Variants in RPH3AL observed in about 807,000 individuals in gnomAD.
The protein encoded by RPH3AL is rabphilin 3A like (without C2 domains), also known as rab effector Noc2.
RPH3AL carries 38 observed loss-of-function variants against 43.1 expected under a neutral mutation model. The observed-to-expected ratio is 0.88, with a 90% confidence interval of 0.68 to 1.15. The LOEUF is 1.15. RPH3AL is among the 50% of genes most tolerant of loss of function. RPH3AL has a pLI of 0.00. For synonymous variants in RPH3AL, 189 were observed against 176.3 expected, an observed-to-expected ratio of 1.07 and a Z score of -0.57; for missense variants, 462 against 423.2, an observed-to-expected ratio of 1.09 and a Z score of -0.81.
intron 6 of RPH3AL, among the ~76,000 whole-genome samples, chr17:260,688 C>A (rs530760410): frequency 6.6e-6 from 1 of 152,222 alleles, no homozygotes; most frequent in Admixed American, 6.5e-5. Flanking sequence ...GTACCTCTCC[C>A]TCCTCCATTA....
At chr17:249,393 CGGGAGGACT>C (rs782140332) in intron 6 of RPH3AL, among the ~76,000 whole-genome samples, 3 of 152,026 alleles carry the variant, frequency 2.0e-5, no homozygotes, top group Non-Finnish European at 4.4e-5. Flanking sequence ...CTTATCTCAC[CGGGAGGACT>C]TGAGGATCAG....
chr17:302,374 G>T (rs1371756622), intron 5 of RPH3AL, among the ~76,000 whole-genome samples: 2 of 152,158 alleles, frequency 1.3e-5, no homozygotes, highest in Non-Finnish European at 2.9e-5. Context: ...GAGTCACCCC[G>T]CCCCACCCAC....
intron 7 of RPH3AL, among the ~76,000 whole-genome samples, chr17:222,551 G>A (rs2151504037): frequency 6.6e-6 from 1 of 152,336 alleles, no homozygotes; most frequent in South Asian, 2.1e-4. Context: ...ACCGTATTTG[G>A]CTGGGTAATC....
Position 219,638 on chromosome 17 carries a change from G to T in RPH3AL, c.712C>A (p.Pro238Thr). The T allele has an allele frequency of 1.3e-6, 2 of 1,596,628 alleles. No individual in the cohort carries two copies. Among genetic ancestry groups the T allele is most frequent in the African/African-American group, 1.4e-5 (1 of 72,032 alleles). ...CCCACCTTACCTGACTCCTTCCAGG[G>T]TTTGTCGCCTTTCCGGTCCCTGACC... Reference protein sequence around the residue: ...TGVRDRKGDKPWKESGGSVEA... With the variant: ...TGVRDRKGDKTWKESGGSVEA... The change falls in exon 8 of 10, where the codon CCC (proline) becomes ACC (threonine). Residue 238 changes from proline to threonine, a missense_variant. Pro to Thr is a conservative substitution (Grantham distance 38, BLOSUM62 -1). Transcript: ENST00000331302.
intron 1 of RPH3AL, among the ~76,000 whole-genome samples, chr17:336,877 T>C (rs2044971422): frequency 6.6e-6 from 1 of 152,034 alleles, no homozygotes; most frequent in Non-Finnish European, 1.5e-5. Context: ...GCTGTCTACC[T>C]CCTCCACCTG....
intron 6 of RPH3AL, among the ~76,000 whole-genome samples, chr17:272,663 G>C (rs8070917): frequency 0.75 from 103,613 of 138,682 alleles, 39,168 homozygotes; most frequent in African/African-American, 0.84. Flanking sequence ...CTAAAATGAC[G>C]AGTTAATGGG....
At chr17:305,129 G>C in intron 5 of RPH3AL, among the ~76,000 whole-genome samples, 1 of 143,736 alleles carries the variant, frequency 7.0e-6, no homozygotes, top group African/African-American at 2.6e-5. Context: ...GCGAGAGGGG[G>C]ACAGGGTCAT....
At chr17:253,578 T>G (rs2041972030) in intron 6 of RPH3AL, among the ~76,000 whole-genome samples, 1 of 152,132 alleles carries the variant, frequency 6.6e-6, no homozygotes, top group East Asian at 1.9e-4. Flanking sequence ...GCAACCCATC[T>G]CCAGAACTTG....
intron 7 of RPH3AL, among the ~76,000 whole-genome samples, chr17:222,513 G>A (rs1029539782): frequency 1.3e-5 from 2 of 152,254 alleles, no homozygotes; most frequent in African/African-American, 4.8e-5. Flanking sequence ...CACTGTGGGA[G>A]AAACTCTCTT....
chr17:260,860 C>G lies in RPH3AL; in HGVS notation c.439-13575G>C, dbSNP rs150939940. 9.2e-5 allele frequency among the ~76,000 whole-genome samples: 14 copies of G among 152,280 alleles called. No individual in the cohort carries two copies. In the East Asian group the frequency reaches 2.7e-3, roughly 29 times the overall value. ...GGCACAGCTGCTCTCACCGCCTTGA[C>G]CACACTAAGCTCTCCTTTTGGACAC... On this transcript the variant is annotated intron_variant, in intron 6 of 9. Transcript: ENST00000331302.
chr17:226,193 A>G (rs1278366794), intron 7 of RPH3AL, among the ~76,000 whole-genome samples: 1 of 152,232 alleles, frequency 6.6e-6, no homozygotes, highest in African/African-American at 2.4e-5. Context: ...CTTGTTCTTC[A>G]TCTCCATTTA....
At chr17:230,396 C>G (rs915409618) in intron 7 of RPH3AL, among the ~76,000 whole-genome samples, 1 of 152,168 alleles carries the variant, frequency 6.6e-6, no homozygotes, top group Admixed American at 6.5e-5. Flanking sequence ...AGAGAGAACG[C>G]GAAGTGCGGG....
chr17:260,320 C>T (rs782001650), intron 6 of RPH3AL, among the ~76,000 whole-genome samples: 38 of 152,330 alleles, frequency 2.5e-4, no homozygotes, highest in Admixed American at 8.5e-4. Context: ...TGGTACAGCA[C>T]GCCACACCTG....
chr17:281,848 A>G lies in RPH3AL; in HGVS notation c.358T>C (p.Cys120Arg). The change falls in exon 6 of 10, where the codon TGC (cysteine) becomes CGC (arginine). Residue 120 changes from cysteine to arginine, a missense_variant. Physicochemically the swap from Cys to Arg is radical, Grantham distance 180 (BLOSUM62 -3). Transcript: ENST00000331302. Reference sequence around the variant, plus strand: ...GAGGCCTCGATCCCACATTTGGTGCAGACTTTCTACAAGAGAGAGGACATG... The same window carrying G: ...GAGGCCTCGATCCCACATTTGGTGCGGACTTTCTACAAGAGAGAGGACATG... ...VFCKDCRKKV[C>R]TKCGIEASPG... is the part of the protein sequence containing the mutation. The G allele has an allele frequency of 2.5e-6, 4 of 1,613,870 alleles. No individual in the cohort carries two copies. Among genetic ancestry groups the G allele is most frequent in the Non-Finnish European group, 3.4e-6 (4 of 1,179,790 alleles).
At chr17:284,591 G>T (rs1347985926) in intron 5 of RPH3AL, among the ~76,000 whole-genome samples, 1 of 151,992 alleles carries the variant, frequency 6.6e-6, no homozygotes, top group East Asian at 1.9e-4. Context: ...TGCTCTCCCA[G>T]TGGGGAGGGG....
intron 6 of RPH3AL, among the ~76,000 whole-genome samples, chr17:278,526 C>A (rs1291915849): frequency 1.3e-5 from 2 of 152,154 alleles, no homozygotes; most frequent in African/African-American, 4.8e-5. Flanking sequence ...TGCTTTGCAC[C>A]CCTACTTGGA....
At chr17:302,135 C>A (rs1019372157) in intron 5 of RPH3AL, among the ~76,000 whole-genome samples, 1 of 152,246 alleles carries the variant, frequency 6.6e-6, no homozygotes, top group Non-Finnish European at 1.5e-5. Flanking sequence ...GCTCCCAGCC[C>A]AGCTGCTGCC....
chr17:272,650 A>G (rs949461548), intron 6 of RPH3AL, among the ~76,000 whole-genome samples: 2 of 149,618 alleles, frequency 1.3e-5, no homozygotes, highest in African/African-American at 4.9e-5. Context: ...GATATACCTA[A>G]TGCTAAAATG....
At chr17:321,460 A>G in intron 3 of RPH3AL, 45 bp from the exon 4 acceptor site, 1 of 1,509,966 alleles carries the variant, frequency 6.6e-7, no homozygotes, top group Non-Finnish European at 8.9e-7. Context: ...TCCCCGGTGC[A>G]AACTCCGGCA....
Sources: allele counts gnomAD v4.1 joint callset (sites outside exome capture counted in the v4.1 genomes callset), GRCh38; gene constraint gnomAD v4.1.1; transcripts MANE v1.5; gene names NCBI Gene and HGNC (gene_info 2026-07-23, HGNC 2026-07-21).